Variants in MSH3 observed in about 807,000 individuals in gnomAD.
MSH3 encodes DNA mismatch repair protein Msh3.
In MSH3, 106 loss-of-function variants were observed where a neutral mutation model predicts 123.3. That is an observed-to-expected ratio of 0.86 (90% CI 0.73 to 1.01). MSH3 has a LOEUF of 1.01. Ranked by LOEUF, MSH3 falls within the 50% of genes least tolerant of loss-of-function variation. The pLI, the probability that MSH3 is intolerant of heterozygous loss-of-function variation, is 0.00. For synonymous variants in MSH3, 515 were observed against 481.4 expected (o/e 1.07, Z -0.91); for missense variants, 1,459 against 1,347.6 (o/e 1.08, Z -1.29).
rs186293224 is a variant in MSH3 at position 80,848,656 on chromosome 5, G to C, written c.2814-5474G>C. 1.2e-3 allele frequency among the ~76,000 whole-genome samples: 185 copies of C among 152,302 alleles called. 1 individual carries two copies. The highest frequency in any genetic ancestry group is 4.3e-3 in the African/African-American group (179 of 41,564). The stretch of plus-strand genomic sequence containing the variant: ...GAAATGCGCGTTTTTAAAACTATCA[G>C]ATCTCATGAGACCCATTCACTGTCA... On this transcript the variant is annotated intron_variant, in intron 20 of 23. Transcript: ENST00000265081.
At chr5:80,730,596 A>C (rs1228038613) in intron 10 of MSH3, among the ~76,000 whole-genome samples, 8 of 152,172 alleles carry the variant, frequency 5.3e-5, no homozygotes, top group Non-Finnish European at 8.8e-5. Flanking sequence ...TTAAGCTCCA[A>C]AAATAAACTT....
At chr5:80,762,908 G>A (rs1221954838) in intron 13 of MSH3, among the ~76,000 whole-genome samples, 5 of 151,552 alleles carry the variant, frequency 3.3e-5, no homozygotes, top group South Asian at 2.1e-4. Flanking sequence ...GTGCAATGGC[G>A]TGATCTCGGC....
At chr5:80,764,652 T>A (rs746890405) in intron 13 of MSH3, among the ~76,000 whole-genome samples, 1 of 151,982 alleles carries the variant, frequency 6.6e-6, no homozygotes, top group Non-Finnish European at 1.5e-5. Flanking sequence ...TGTGAGCCAC[T>A]GTGCTTAGCC....
chr5:80,840,202 A>G (rs1745595412), intron 20 of MSH3, among the ~76,000 whole-genome samples: 1 of 152,122 alleles, frequency 6.6e-6, no homozygotes, highest in Non-Finnish European at 1.5e-5. Flanking sequence ...TATTGTGATC[A>G]CATGTTACAT....
At chr5:80,703,475 G>T (rs542337815) in intron 8 of MSH3, among the ~76,000 whole-genome samples, 1 of 152,158 alleles carries the variant, frequency 6.6e-6, no homozygotes, top group South Asian at 2.1e-4. Flanking sequence ...TGGCCTGCAG[G>T]TTGATTGTCA....
At chr5:80,868,197 T>C (rs1746137624) in intron 22 of MSH3, among the ~76,000 whole-genome samples, 1 of 152,142 alleles carries the variant, frequency 6.6e-6, no homozygotes, top group African/African-American at 2.4e-5. Flanking sequence ...AACTGTTGTG[T>C]AAGGCAGTGT....
At chr5:80,740,572 G>A (rs1315562759) in intron 10 of MSH3, among the ~76,000 whole-genome samples, 1 of 152,104 alleles carries the variant, frequency 6.6e-6, no homozygotes, top group Admixed American at 6.5e-5. Flanking sequence ...TGGTTGGCCA[G>A]GATGGTCTCC....
intron 18 of MSH3, among the ~76,000 whole-genome samples, chr5:80,791,605 AT>A (rs200462999): frequency 6.6e-6 from 1 of 151,986 alleles, no homozygotes; most frequent in Non-Finnish European, 1.5e-5. Flanking sequence ...CATGAGGTTG[AT>A]TTTTTTTACT....
chr5:80,817,651 G>A (rs1162414623), intron 20 of MSH3, among the ~76,000 whole-genome samples: 1 of 152,026 alleles, frequency 6.6e-6, no homozygotes, highest in Non-Finnish European at 1.5e-5. Flanking sequence ...TTAGTCACAT[G>A]GAGGTTGAAA....
At chr5:80,681,936 C>G (rs181130972) in intron 8 of MSH3, among the ~76,000 whole-genome samples, 141 of 152,208 alleles carry the variant, frequency 9.3e-4, no homozygotes, top group Admixed American at 2.9e-3. Flanking sequence ...AAATTTAATG[C>G]CTGCTTTTGT....
chr5:80,788,341 G>T (rs1744550175), intron 18 of MSH3, among the ~76,000 whole-genome samples: 1 of 152,186 alleles, frequency 6.6e-6, no homozygotes, highest in Non-Finnish European at 1.5e-5. Flanking sequence ...GAAAGCTGAG[G>T]TGGGAGAATT....
chr5:80,801,563 G>A (rs1208222986), intron 19 of MSH3, among the ~76,000 whole-genome samples: 1 of 152,196 alleles, frequency 6.6e-6, no homozygotes, highest in African/African-American at 2.4e-5. Context: ...TCCTGGGGCA[G>A]GGGTGGTGGG....
At position 80,654,747 on chromosome 5, in the gene MSH3, C is replaced by T. The variant is rs1580537658; in HGVS notation, c.20C>T (p.Ala7Val). The change falls in exon 1 of 24, where the codon GCG becomes GTG. Residue 7 changes from alanine (A) to valine (V), a missense_variant. Transcript: ENST00000265081. MSRRKPASGGLAASSSA... is the reference protein window; with the variant it reads MSRRKPVSGGLAASSSA... Reference sequence around the variant, plus strand: ...CCTGCCATGTCTCGCCGGAAGCCTGCGTCGGGCGGCCTCGCTGCCTCCAGC... The same window carrying T: ...CCTGCCATGTCTCGCCGGAAGCCTGTGTCGGGCGGCCTCGCTGCCTCCAGC... 2 of 1,602,066 alleles carry T rather than the reference C, an allele frequency of 1.2e-6. No individual in the cohort carries two copies. The highest frequency in any genetic ancestry group is 1.7e-6 in the Non-Finnish European group (2 of 1,175,912).
chr5:80,724,675 TTGAC>T (rs1156349553), intron 8 of MSH3, among the ~76,000 whole-genome samples: 1 of 152,184 alleles, frequency 6.6e-6, no homozygotes, highest in African/African-American at 2.4e-5. Context: ...TTTACTATAT[TTGAC>T]TGGAGACTGT....
chr5:80,685,665 C>G (rs1318043883), intron 8 of MSH3, among the ~76,000 whole-genome samples: 1 of 151,770 alleles, frequency 6.6e-6, no homozygotes, highest in Non-Finnish European at 1.5e-5. Context: ...TATTTCTGCT[C>G]TGATTTTTAT....
intron 8 of MSH3, among the ~76,000 whole-genome samples, chr5:80,709,209 A>ATTGTG (rs370520309): frequency 6.8e-6 from 1 of 147,000 alleles, no homozygotes; most frequent in Non-Finnish European, 1.5e-5. Flanking sequence ...TAAAATAGAT[A>ATTGTG]TGTGTGTGTG....
intron 19 of MSH3, among the ~76,000 whole-genome samples, chr5:80,802,943 G>A (rs935903609): frequency 3.3e-5 from 5 of 152,066 alleles, no homozygotes; most frequent in African/African-American, 4.8e-5. Context: ...CCATTGTGTA[G>A]TGTACCACAT....
At chr5:80,843,992 A>G (rs1044719148) in intron 20 of MSH3, among the ~76,000 whole-genome samples, 2 of 151,438 alleles carry the variant, frequency 1.3e-5, no homozygotes, top group South Asian at 2.1e-4. Context: ...TGTGATGTTA[A>G]GGTGTCGATT....
intron 8 of MSH3, among the ~76,000 whole-genome samples, chr5:80,711,208 T>G (rs572353723): frequency 9.2e-5 from 14 of 152,344 alleles, no homozygotes; most frequent in African/African-American, 3.1e-4. Context: ...TGTGCTAGCC[T>G]TGAGTCTGAG....
Sources: gnomAD v4.1 joint callset for allele counts (sites outside exome capture counted in the v4.1 genomes callset) on GRCh38, gnomAD v4.1.1 for gene constraint, MANE v1.5 for transcripts, NCBI Gene and HGNC (gene_info 2026-07-23, HGNC 2026-07-21) for gene names.